PHACTR3: variants seen among roughly 807,000 people sequenced by gnomAD.
PHACTR3 encodes protein phosphatase 1, regulatory subunit 123.
A neutral mutation model predicts 66.8 loss-of-function variants in PHACTR3; 16 were observed. The ratio of observed to expected loss-of-function variants is 0.24; its 90% CI spans 0.16 to 0.36. The LOEUF (loss-of-function observed/expected upper bound fraction) is 0.36. PHACTR3 is among the 10% of genes least tolerant of loss of function. The pLI, the probability that PHACTR3 is intolerant of heterozygous loss-of-function variation, is 1.00. For missense variants in PHACTR3, 647 were observed against 719.9 expected (o/e 0.90, Z 1.16); for synonymous variants, 323 against 292.1 (o/e 1.11, Z -1.08).
At chr20:59,764,842 G>A (rs1329608239) in intron 4 of PHACTR3, among the ~76,000 whole-genome samples, 1 of 152,126 alleles carries the variant, frequency 6.6e-6, no homozygotes, top group East Asian at 1.9e-4. Context: ...TATCTGAAAA[G>A]GGGTGGGACC....
At position 59,736,931 on chromosome 20, in the gene PHACTR3, T is replaced by C. The variant is rs1422603036; in HGVS notation, c.119-6176T>C. Among the ~76,000 whole-genome samples the C allele has an allele frequency of 6.6e-6, 1 of 152,076 alleles. No individual in the cohort carries two copies. Among genetic ancestry groups the C allele is most frequent in the Non-Finnish European group, 1.5e-5 (1 of 67,996 alleles). ...GGGCCCCTGGGCATGGGGTCTTCAC[T>C]CCTCTGATGACAGTTGAGCCCCTTG... On this transcript the variant is annotated intron_variant, in intron 1 of 12. Coordinates refer to ENST00000371015, the MANE Select transcript of PHACTR3 (RefSeq NM_080672.5). This position sits in a 1 kb window ranked among gnomAD's most constrained non-coding sequence, Gnocchi z 4.6.
intron 1 of PHACTR3, among the ~76,000 whole-genome samples, chr20:59,608,905 T>C (rs971834865): frequency 1.1e-4 from 17 of 152,222 alleles, no homozygotes; most frequent in African/African-American, 4.1e-4. Context: ...ACTGGGAGCC[T>C]CTTGAGGACA....
chr20:59,760,857 G>A (rs1361045898), intron 4 of PHACTR3, among the ~76,000 whole-genome samples: 1 of 152,072 alleles, frequency 6.6e-6, no homozygotes, highest in Non-Finnish European at 1.5e-5. Flanking sequence ...AATTAAAAAG[G>A]AGAGTGACAC....
intron 8 of PHACTR3, among the ~76,000 whole-genome samples, chr20:59,809,407 A>G (rs2041669054): frequency 6.6e-6 from 1 of 152,020 alleles, no homozygotes; most frequent in Admixed American, 6.6e-5. Flanking sequence ...GTGTGTTCCT[A>G]AGGCTTGGTT....
intron 1 of PHACTR3, among the ~76,000 whole-genome samples, chr20:59,663,224 C>T (rs1046452025): frequency 1.3e-5 from 2 of 152,232 alleles, no homozygotes; most frequent in South Asian, 2.1e-4. Context: ...CTCATTTTAA[C>T]GAATGACATC....
intron 1 of PHACTR3, among the ~76,000 whole-genome samples, chr20:59,622,759 T>C (rs1315828232): frequency 2.6e-5 from 4 of 151,764 alleles, no homozygotes; most frequent in African/African-American, 9.7e-5. Context: ...CTCCCATCTG[T>C]CCATCTGTCC....
intron 1 of PHACTR3, among the ~76,000 whole-genome samples, chr20:59,657,110 G>A (rs1013155113): frequency 5.3e-5 from 8 of 151,696 alleles, no homozygotes; most frequent in African/African-American, 1.5e-4. Flanking sequence ...TACCATTTCC[G>A]GTTCTCTTCA....
rs1158496885 is a variant in PHACTR3 at position 59,774,618 on chromosome 20, A to G, written c.1174+128A>G. On this transcript the variant is annotated intron_variant, in intron 7 of 12. Coordinates refer to ENST00000371015, the MANE Select transcript of PHACTR3 (RefSeq NM_080672.5). ...GGGGCTGCACCTGGGGAGAAACAAG[A>G]GGGGGGCTGTGTCCTCTGGAAATGA... 1.5e-5 allele frequency: 19 copies of G among 1,275,664 alleles called. No individual in the cohort carries two copies. The East Asian group carries it at 4.1e-4, about 28-fold the overall frequency. 79.0% of individuals were successfully genotyped at this position (1,275,664 alleles called of 1,614,324 possible).
At chr20:59,814,147 G>A (rs1568848328) in intron 8 of PHACTR3, among the ~76,000 whole-genome samples, 2 of 152,298 alleles carry the variant, frequency 1.3e-5, no homozygotes, top group African/African-American at 2.4e-5. Flanking sequence ...GGTCAGGAGC[G>A]AGGGCATGTC....
At chr20:59,734,608 A>G (rs114382723) in intron 1 of PHACTR3, among the ~76,000 whole-genome samples, 2 of 152,264 alleles carry the variant, frequency 1.3e-5, no homozygotes, top group African/African-American at 4.8e-5. Flanking sequence ...TGTGATGAAC[A>G]TAGATGATTG....
intron 1 of PHACTR3, among the ~76,000 whole-genome samples, chr20:59,717,365 C>A (rs939136728): frequency 2.9e-4 from 44 of 152,320 alleles, no homozygotes; most frequent in African/African-American, 8.4e-4. Context: ...AATTTTCCCC[C>A]AGTGCTAAAC....
At chr20:59,781,287 G>T (rs375221333) in intron 7 of PHACTR3, among the ~76,000 whole-genome samples, 21 of 152,354 alleles carry the variant, frequency 1.4e-4, no homozygotes, top group African/African-American at 5.1e-4. Flanking sequence ...AGGCTGGCGG[G>T]GACCTTTGGG....
intron 4 of PHACTR3, 47 bp downstream of exon 4, chr20:59,755,411 A>G (rs1196536300): frequency 1.3e-6 from 2 of 1,585,424 alleles, no homozygotes; most frequent in African/African-American, 1.3e-5. Flanking sequence ...TAGAATGGCC[A>G]TACGTCCCCA....
chr20:59,781,603 C>T (rs1221688274), intron 7 of PHACTR3, among the ~76,000 whole-genome samples: 3 of 152,106 alleles, frequency 2.0e-5, no homozygotes, highest in Non-Finnish European at 4.4e-5. Context: ...GAGGGTGTGT[C>T]CCAGCGGCAA....
intron 1 of PHACTR3, among the ~76,000 whole-genome samples, chr20:59,723,040 CTCTTTTTCTTTCTTTCTT>C (rs2038382562): frequency 5.3e-5 from 8 of 150,478 alleles, no homozygotes; most frequent in African/African-American, 1.5e-4. Flanking sequence ...TTATTTATTT[CTCTTTTTCTTTCTTTCTT>C]TCTCTTTCTT....
intron 1 of PHACTR3, among the ~76,000 whole-genome samples, chr20:59,664,879 A>C (rs138165738): frequency 7.0e-4 from 106 of 152,290 alleles, no homozygotes; most frequent in African/African-American, 2.4e-3. Flanking sequence ...ATCAGACGAA[A>C]GTGAATACCC....
chr20:59,771,027 G>T (rs1005775751), intron 5 of PHACTR3, among the ~76,000 whole-genome samples: 2 of 152,180 alleles, frequency 1.3e-5, no homozygotes, highest in South Asian at 2.1e-4. Context: ...GGTGACAAGT[G>T]GTCCCCTGCA....
intron 11 of PHACTR3, 36 bp from the exon 12 acceptor site, chr20:59,845,153 T>C (rs374846076): frequency 1.5e-6 from 2 of 1,304,584 alleles, no homozygotes; most frequent in Non-Finnish European, 2.2e-6. Context: ...ATTTTTTTAA[T>C]ATCCTGTAAA....
At chr20:59,697,689 A>G (rs995118381) in intron 1 of PHACTR3, among the ~76,000 whole-genome samples, 2 of 152,244 alleles carry the variant, frequency 1.3e-5, no homozygotes, top group Non-Finnish European at 2.9e-5. Context: ...AGGAGAAAAG[A>G]GGAAAAAAGA....
Sources: gnomAD v4.1 joint callset for allele counts (sites outside exome capture counted in the v4.1 genomes callset) on GRCh38, gnomAD v4.1.1 for gene constraint, Gnocchi (gnomAD v3.1) non-coding constraint, MANE v1.5 for transcripts, NCBI Gene and HGNC (gene_info 2026-07-23, HGNC 2026-07-21) for gene names.